CLNS1A: variants seen among roughly 807,000 people sequenced by gnomAD.
CLNS1A encodes the protein chloride nucleotide-sensitive channel 1A.
Under a neutral mutation model 29.4 loss-of-function variants are expected in CLNS1A, and 16 were observed. That is an observed-to-expected ratio of 0.54 (90% CI 0.37 to 0.83). The LOEUF is 0.83. CLNS1A is among the 40% of genes least tolerant of loss of function. CLNS1A has a pLI of 0.00. For missense variants in CLNS1A, 235 were observed against 287.4 expected (o/e 0.82, Z 1.32); for synonymous variants, 96 against 104.8 (o/e 0.92, Z 0.51).
intron 1 of CLNS1A, among the ~76,000 whole-genome samples, chr11:77,631,446 C>G (rs1172904076): frequency 3.3e-5 from 5 of 151,348 alleles, no homozygotes; most frequent in Non-Finnish European, 7.4e-5. Context: ...TCAGCCTCCC[C>G]AGTAGCTGGG....
At chr11:77,628,052 T>C (rs529984605) in intron 2 of CLNS1A, among the ~76,000 whole-genome samples, 15 of 152,276 alleles carry the variant, frequency 9.9e-5, no homozygotes, top group Non-Finnish European at 1.3e-4. Context: ...TCTCGATCTC[T>C]TGACCTTGTG....
chr11:77,635,631 G>A (rs181674415), intron 1 of CLNS1A, among the ~76,000 whole-genome samples: 3 of 152,224 alleles, frequency 2.0e-5, no homozygotes, highest in East Asian at 3.9e-4. Context: ...TATTACAGGC[G>A]TGAGCCACCA....
At chr11:77,635,376 C>G in intron 1 of CLNS1A, among the ~76,000 whole-genome samples, 1 of 135,860 alleles carries the variant, frequency 7.4e-6, no homozygotes, top group East Asian at 2.1e-4. Flanking sequence ...TTTTTTGAGA[C>G]AGTCTCACTC....
chr11:77,627,869 A>AAAGTGTT (rs1590800152), intron 2 of CLNS1A, among the ~76,000 whole-genome samples: 1 of 152,132 alleles, frequency 6.6e-6, no homozygotes, highest in East Asian at 1.9e-4. Flanking sequence ...TCTGTTGCCC[A>AAAGTGTT]GGCTGGAGTG....
At chr11:77,635,644 C>G (rs1237794877) in intron 1 of CLNS1A, among the ~76,000 whole-genome samples, 2 of 152,140 alleles carry the variant, frequency 1.3e-5, no homozygotes, top group African/African-American at 2.4e-5. Flanking sequence ...AGCCACCACA[C>G]TGGATCTTAG....
At chr11:77,627,039 A>G (rs999758477) in intron 2 of CLNS1A, among the ~76,000 whole-genome samples, 1 of 143,206 alleles carries the variant, frequency 7.0e-6, no homozygotes, top group African/African-American at 2.6e-5. Context: ...TGCCAAAGAG[A>G]AAAAAAAAAA....
intron 6 of CLNS1A, among the ~76,000 whole-genome samples, chr11:77,616,988 C>A: frequency 6.6e-6 from 1 of 152,190 alleles, no homozygotes; most frequent in Middle Eastern, 3.2e-3. Context: ...GTTCCATTAT[C>A]CTGAAATTAT....
rs1959145684 is a variant in CLNS1A at position 77,637,572 on chromosome 11, G to A, written c.125+18C>T. 2 of 1,593,514 alleles carry A rather than the reference G, an allele frequency of 1.3e-6. No individual in the cohort carries two copies. Among genetic ancestry groups the A allele is most frequent in the Non-Finnish European group, 1.7e-6 (2 of 1,170,740 alleles). Reference sequence around the variant, plus strand: ...GGGCGGCGCGCAGGAGGCCAGCGCTGGGGACCAGGAACCCTACCTCTCAGC... The same window carrying A: ...GGGCGGCGCGCAGGAGGCCAGCGCTAGGGACCAGGAACCCTACCTCTCAGC... On this transcript the variant is annotated intron_variant, in intron 1 of 6. Coordinates refer to ENST00000525428, the MANE Select transcript of CLNS1A (RefSeq NM_001293.3).
At chr11:77,622,350 A>G (rs1419479829) in intron 5 of CLNS1A, 150 bp downstream of exon 5, 2 of 640,918 alleles carry the variant, frequency 3.1e-6, no homozygotes, top group Admixed American at 6.2e-5. Context: ...AAATGACATA[A>G]GCATTCCTAT....
chr11:77,625,629 A>G, intron 3 of CLNS1A, 88 bp downstream of exon 3: 2 of 1,037,462 alleles, frequency 1.9e-6, no homozygotes, highest in Non-Finnish European at 2.8e-6. Context: ...TAAAGGTGAG[A>G]GGTGTGTGTG....
In CLNS1A at chr11:77,616,387, T is replaced by C. The variant is rs896322122; in HGVS notation, c.*331A>G. The C allele has an allele frequency of 5.9e-5, 9 of 152,600 alleles. No individual in the cohort carries two copies. Among genetic ancestry groups the C allele is most frequent in the African/African-American group, 2.2e-4 (9 of 41,454 alleles). 9.5% of individuals were successfully genotyped at this position (152,600 alleles called of 1,614,324 possible). On this transcript the variant is annotated 3_prime_UTR_variant, in exon 7 of 7. Coordinates refer to ENST00000525428, the MANE Select transcript of CLNS1A (RefSeq NM_001293.3). The stretch of plus-strand genomic sequence containing the variant: ...CAAGCTCCTGTGCATTTTCACCACA[T>C]AGATCTGCTAGCTTACAAATGATGC...
intron 1 of CLNS1A, among the ~76,000 whole-genome samples, chr11:77,630,160 CTA>C (rs1959060418): frequency 6.6e-6 from 1 of 152,306 alleles, no homozygotes; most frequent in Admixed American, 6.5e-5. Context: ...ATGTATGTTT[CTA>C]TGACTTTCAT....
intron 6 of CLNS1A, among the ~76,000 whole-genome samples, chr11:77,617,367 CAAAAAAAAAAAAA>C (rs71043593): frequency 1.1e-4 from 7 of 65,864 alleles, no homozygotes; most frequent in South Asian, 1.4e-3. Context: ...AACTCCATCT[CAAAAAAAAAAAAA>C]AAAAAAAAAA....
chr11:77,628,644 A>G (rs1297624345), intron 2 of CLNS1A, among the ~76,000 whole-genome samples: 1 of 152,240 alleles, frequency 6.6e-6, no homozygotes, highest in East Asian at 1.9e-4. Context: ...CTGAATATAA[A>G]TGATCATATT....
chr11:77,629,369 C>A (rs138223219), intron 2 of CLNS1A, among the ~76,000 whole-genome samples: 128 of 151,902 alleles, frequency 8.4e-4, no homozygotes, highest in Middle Eastern at 6.8e-3. Context: ...CTCAATGTTA[C>A]ATTGATTATT....
chr11:77,634,723 C>CAAA (rs763196921), intron 1 of CLNS1A, among the ~76,000 whole-genome samples: 3 of 54,026 alleles, frequency 5.6e-5, no homozygotes, highest in Admixed American at 1.8e-4. Context: ...GACTCTGTCT[C>CAAA]AAAAAAAAAA....
chr11:77,637,485 C>T, intron 1 of CLNS1A, 105 bp downstream of exon 1: 1 of 1,419,552 alleles, frequency 7.0e-7, no homozygotes, highest in Admixed American at 2.8e-5. Context: ...ACCCCGCTCC[C>T]AGCAGGCCTC....
chr11:77,630,028 G>GTATTTTAT, intron 1 of CLNS1A, 129 bp from the exon 2 acceptor site: 2 of 767,060 alleles, frequency 2.6e-6, no homozygotes, highest in Non-Finnish European at 3.9e-6. Flanking sequence ...TTTTAGAAAC[G>GTATTTTAT]TTCATAAAAT....
chr11:77,620,643 A>C (rs4945190), intron 5 of CLNS1A, among the ~76,000 whole-genome samples: 27,415 of 151,656 alleles, frequency 0.18, 3,138 homozygotes, highest in African/African-American at 0.31. Context: ...GAAATCTCTA[A>C]CAAAAATACA....
Sources: allele counts gnomAD v4.1 joint callset (sites outside exome capture counted in the v4.1 genomes callset), GRCh38; gene constraint gnomAD v4.1.1; transcripts MANE v1.5; gene names NCBI Gene and HGNC (gene_info 2026-07-23, HGNC 2026-07-21).